The following PDZD2 variants were observed in gnomAD, a reference collection of about 807,000 sequenced individuals.
PDZD2 encodes the protein PDZ domain containing 2.
PDZD2 carries 90 observed loss-of-function variants against 220.7 expected under a neutral mutation model. That is an observed-to-expected ratio of 0.41 (90% confidence interval 0.34 to 0.49). The LOEUF is 0.49. Ranked by LOEUF, PDZD2 falls within the 20% of genes least tolerant of loss-of-function variation. The probability of loss-of-function intolerance (pLI) is 0.28; values close to 1 mark genes in which losing one functional copy is unlikely to be tolerated. For missense variants in PDZD2, 3,174 were observed against 3,608.5 expected (o/e 0.88, Z 3.08); for synonymous variants, 1,375 against 1,450.5 (o/e 0.95, Z 1.18).
At chr5:31,855,447 T>G (rs1246479767) in intron 2 of PDZD2, among the ~76,000 whole-genome samples, 6 of 152,180 alleles carry the variant, frequency 3.9e-5, no homozygotes, top group Non-Finnish European at 7.4e-5. Context: ...GCGCCCCGGC[T>G]GTGTGTGACG....
At chr5:32,040,957 GCGCCTCTGCCTGGC>G in intron 7 of PDZD2, among the ~76,000 whole-genome samples, 2 of 143,092 alleles carry the variant, frequency 1.4e-5, no homozygotes, top group African/African-American at 5.3e-5. Context: ...GAAATGGGGA[GCGCCTCTGCCTGGC>G]CACCCCGTCT....
At chr5:31,876,565 T>A (rs1240782359) in intron 2 of PDZD2, among the ~76,000 whole-genome samples, 2 of 152,144 alleles carry the variant, frequency 1.3e-5, no homozygotes, top group Non-Finnish European at 2.9e-5. Context: ...GTGCTGAGAT[T>A]ACAGGCGCGA....
chr5:31,914,045 C>T (rs1325376912), intron 2 of PDZD2, among the ~76,000 whole-genome samples: 4 of 152,138 alleles, frequency 2.6e-5, no homozygotes, highest in Admixed American at 2.6e-4. Context: ...TCAGTGGCTA[C>T]CAACCCAACT....
intron 7 of PDZD2, among the ~76,000 whole-genome samples, chr5:32,040,386 G>C (rs6882479): frequency 0.044 from 5,826 of 131,790 alleles, 439 homozygotes; most frequent in African/African-American, 0.15. Context: ...TGAGGAGTGC[G>C]TCTGCCCGGC....
intron 2 of PDZD2, among the ~76,000 whole-genome samples, chr5:31,934,599 C>A (rs1745561202): frequency 9.7e-6 from 1 of 102,768 alleles, no homozygotes; most frequent in African/African-American, 3.8e-5. Context: ...ACATTTGAAC[C>A]ATCTAATTAA....
At chr5:31,986,194 G>A (rs1029126912) in intron 3 of PDZD2, among the ~76,000 whole-genome samples, 1 of 150,398 alleles carries the variant, frequency 6.6e-6, no homozygotes, top group African/African-American at 2.4e-5. Context: ...AGGTGTAAAT[G>A]AAAGAGTGAA....
rs753946564 is a variant in PDZD2 at position 32,087,480 on chromosome 5, C to G, written c.4032C>G (p.Pro1344=). ...CTGGTGCTGTCCTGCCAGGAGACCC[C>G]CTCACATCCCAGGAGCAGAGACAGG... ...TPAGAVLPGD[P]LTSQEQRQGA... The change falls in exon 20 of 25, where the codon CCC becomes CCG. Residue 1344 remains proline (P), a synonymous_variant. Transcript: ENST00000438447. The surrounding 1 kb of genome is among the most constrained non-coding windows in gnomAD (Gnocchi z 4.0). 1.1e-5 allele frequency: 17 copies of G among 1,613,418 alleles called. No individual in the cohort carries two copies. Among genetic ancestry groups the G allele is most frequent in the Non-Finnish European group, 1.4e-5 (17 of 1,179,722 alleles).
chr5:31,805,388 C>T (rs1490163548), intron 2 of PDZD2, among the ~76,000 whole-genome samples: 1 of 152,136 alleles, frequency 6.6e-6, no homozygotes, highest in Non-Finnish European at 1.5e-5. Flanking sequence ...TAAATTTTCC[C>T]ACCTACCTAT....
At chr5:31,822,909 A>G in intron 2 of PDZD2, 1 of 882,208 alleles carries the variant, frequency 1.1e-6, no homozygotes, top group Admixed American at 1.8e-5. Flanking sequence ...TGTTCTGTGC[A>G]TAACTACAAA....
At chr5:31,877,542 C>G (rs1006181271) in intron 2 of PDZD2, among the ~76,000 whole-genome samples, 5 of 151,958 alleles carry the variant, frequency 3.3e-5, no homozygotes, top group Admixed American at 3.3e-4. Context: ...TTTTCTCTTT[C>G]ATAATTTGTT....
chr5:32,097,455 T>C (rs950273861), intron 22 of PDZD2, 75 bp downstream of exon 22: 4 of 880,414 alleles, frequency 4.5e-6, no homozygotes, highest in Non-Finnish European at 7.7e-6. Flanking sequence ...GGGCACAAAT[T>C]CCAATCAGCG....
In PDZD2 at chr5:32,087,708, A is replaced by G; in HGVS notation, c.4260A>G (p.Arg1420=). The change falls in exon 20 of 25, where the codon AGA becomes AGG. Residue 1420 remains arginine (R), a synonymous_variant. Coordinates refer to ENST00000438447, the MANE Select transcript of PDZD2 (RefSeq NM_178140.4). This position sits in a 1 kb window ranked among gnomAD's most constrained non-coding sequence, Gnocchi z 4.0. ...VSGHCCPGGS[R]ESPVTDIDSF... ...GGCACTGCTGCCCAGGGGGGAGTAG[A>G]GAGAGCCCTGTGACGGACATTGACA... 6.2e-7 allele frequency: 1 copy of G among 1,614,040 alleles called. No homozygotes were observed. Among genetic ancestry groups the G allele is most frequent in the Non-Finnish European group, 8.5e-7 (1 of 1,179,942 alleles).
intron 2 of PDZD2, among the ~76,000 whole-genome samples, chr5:31,817,017 A>G (rs932803648): frequency 6.6e-6 from 1 of 151,750 alleles, no homozygotes; most frequent in Admixed American, 6.6e-5. Context: ...CCCCGTGTCT[A>G]CTAAAAATAC....
chr5:31,727,762 G>A (rs933713849), intron 1 of PDZD2, among the ~76,000 whole-genome samples: 1 of 150,602 alleles, frequency 6.6e-6, no homozygotes, highest in South Asian at 2.1e-4. Context: ...CAACACTTCC[G>A]GAGGCCGAGG....
intron 1 of PDZD2, among the ~76,000 whole-genome samples, chr5:31,720,582 AC>A (rs1397183965): frequency 6.6e-6 from 1 of 152,218 alleles, no homozygotes; most frequent in Admixed American, 6.5e-5. Context: ...ACCCAAAGAT[AC>A]AGGGGAAAGT....
At chr5:31,740,883 A>G (rs1402197135) in intron 1 of PDZD2, among the ~76,000 whole-genome samples, 1 of 152,178 alleles carries the variant, frequency 6.6e-6, no homozygotes, top group Non-Finnish European at 1.5e-5. Context: ...ACTTTTGTAA[A>G]GCATCAATGA....
chr5:32,039,510 C>T (rs762671851), intron 7 of PDZD2, among the ~76,000 whole-genome samples: 5 of 152,238 alleles, frequency 3.3e-5, no homozygotes, highest in Admixed American at 6.5e-5. Context: ...AGATTACAGC[C>T]TCTGCCCGCC....
intron 2 of PDZD2, among the ~76,000 whole-genome samples, chr5:31,896,582 G>A (rs1383793699): frequency 6.6e-6 from 1 of 152,148 alleles, no homozygotes; most frequent in Non-Finnish European, 1.5e-5. Context: ...TGTTAAACAG[G>A]TTAAAGTTCT....
chr5:31,950,142 T>G (rs1032656148), intron 2 of PDZD2, among the ~76,000 whole-genome samples: 1 of 152,206 alleles, frequency 6.6e-6, no homozygotes. Flanking sequence ...TGAACTTAAG[T>G]TGACCATCTA....
Sources: allele counts gnomAD v4.1 joint callset (sites outside exome capture counted in the v4.1 genomes callset), GRCh38; gene constraint gnomAD v4.1.1; non-coding constraint Gnocchi (gnomAD v3.1); transcripts MANE v1.5; gene names NCBI Gene and HGNC (gene_info 2026-07-23, HGNC 2026-07-21).